The following NRP2 variants were observed in gnomAD, a reference collection of about 807,000 sequenced individuals.
The protein encoded by NRP2 is neuropilin 2, also known as neuropilin-2.
In NRP2, 52 loss-of-function variants were observed where a neutral mutation model predicts 110.4. That is an observed-to-expected ratio of 0.47 (90% CI 0.38 to 0.59). NRP2 has a LOEUF of 0.59. Ranked by LOEUF, NRP2 falls within the 20% of genes least tolerant of loss-of-function variation. The pLI is 0.00. For missense variants in NRP2, 1,049 were observed against 1,203.0 expected (o/e 0.87, Z 1.89); for synonymous variants, 508 against 468.9 (o/e 1.08, Z -1.08).
intron 15 of NRP2, among the ~76,000 whole-genome samples, chr2:205,789,351 T>C (rs1230880838): frequency 5.9e-5 from 9 of 152,200 alleles, no homozygotes; most frequent in Non-Finnish European, 1.3e-4. Context: ...GCGGAACTCG[T>C]GTGGGTGGTA....
intron 10 of NRP2, among the ~76,000 whole-genome samples, chr2:205,748,041 T>C (rs1323502552): frequency 6.6e-6 from 1 of 151,940 alleles, no homozygotes; most frequent in African/African-American, 2.4e-5. Context: ...AGTACAAACA[T>C]AGTACAAACA....
At chr2:205,749,988 G>A in intron 11 of NRP2, 147 bp downstream of exon 11, 1 of 700,280 alleles carries the variant, frequency 1.4e-6, no homozygotes, top group Non-Finnish European at 2.6e-6. Flanking sequence ...GCACTTAGGG[G>A]TTTGGGGCAG....
At chr2:205,733,414 G>C (rs549835538) in intron 7 of NRP2, among the ~76,000 whole-genome samples, 89 of 152,290 alleles carry the variant, frequency 5.8e-4, no homozygotes, top group African/African-American at 2.0e-3. Context: ...GTGGAATCAT[G>C]TTCCTTGCCC....
intron 7 of NRP2, among the ~76,000 whole-genome samples, chr2:205,728,443 G>A (rs1247317933): frequency 6.6e-6 from 1 of 152,184 alleles, no homozygotes; most frequent in Non-Finnish European, 1.5e-5. Context: ...GAGTTACCGA[G>A]CTCTGGAAAT....
intron 1 of NRP2, among the ~76,000 whole-genome samples, chr2:205,696,020 C>T (rs937798564): frequency 1.3e-5 from 2 of 152,128 alleles, no homozygotes; most frequent in African/African-American, 4.8e-5. Flanking sequence ...GAAACGGCTG[C>T]TTTTGTTTTC....
chr2:205,734,398 C>A (rs1298673565), intron 7 of NRP2, among the ~76,000 whole-genome samples: 1 of 121,298 alleles, frequency 8.2e-6, no homozygotes, highest in Non-Finnish European at 1.8e-5. Flanking sequence ...CATTTCCCAC[C>A]GCCCCCCCCC....
chr2:205,770,605 C>T (rs1232590300), intron 15 of NRP2, among the ~76,000 whole-genome samples: 1 of 152,176 alleles, frequency 6.6e-6, no homozygotes, highest in Non-Finnish European at 1.5e-5. Context: ...TCCCTGGACT[C>T]CCTTCCTCCC....
intron 7 of NRP2, among the ~76,000 whole-genome samples, chr2:205,738,821 T>C (rs1027229514): frequency 2.0e-5 from 3 of 152,148 alleles, no homozygotes; most frequent in Non-Finnish European, 2.9e-5. Flanking sequence ...CCAGATTTGG[T>C]GGACTTCGCA....
intron 2 of NRP2, among the ~76,000 whole-genome samples, chr2:205,710,487 G>T (rs1575569462): frequency 6.6e-6 from 1 of 152,336 alleles, no homozygotes; most frequent in East Asian, 1.9e-4. Flanking sequence ...AGATATACCA[G>T]CTTTTTAGTA....
At position 205,683,325 on chromosome 2, in the gene NRP2, C is replaced by G. The variant is rs369619248; in HGVS notation, c.35C>G (p.Ala12Gly). ...DMFPLTWVFL[A>G]LYFSRHQVRG... ...TTTCCTCTCACCTGGGTTTTCTTAG[C>G]CCTCTACTTTTCAAGACACCAAGTG... The change falls in exon 1 of 17, where the codon GCC (alanine) becomes GGC (glycine). Residue 12 changes from alanine to glycine, a missense_variant. Coordinates refer to ENST00000357785, the MANE Select transcript of NRP2 (RefSeq NM_003872.3). 1 of 1,613,980 alleles carries G rather than the reference C, an allele frequency of 6.2e-7. No individual in the cohort carries two copies. Among genetic ancestry groups the G allele is most frequent in the Non-Finnish European group, 8.5e-7 (1 of 1,179,860 alleles).
intron 1 of NRP2, chr2:205,685,724 C>T (rs1559300980): frequency 6.6e-6 from 1 of 152,468 alleles, no homozygotes; most frequent in East Asian, 1.9e-4. Flanking sequence ...CTGCGCTCCG[C>T]TCTGCGCGGC....
chr2:205,776,815 G>A, intron 15 of NRP2: 5 of 1,324,950 alleles, frequency 3.8e-6, no homozygotes, highest in Non-Finnish European at 4.9e-6. Context: ...ACAACTCAAG[G>A]CTCAGCTGGT....
chr2:205,777,616 G>A (rs1014423280), intron 15 of NRP2: 2 of 152,164 alleles, frequency 1.3e-5, no homozygotes, highest in African/African-American at 4.8e-5. Context: ...AACTTGGGAT[G>A]GGGTTGAGTA....
intron 7 of NRP2, among the ~76,000 whole-genome samples, chr2:205,728,545 G>A (rs2057174717): frequency 1.3e-5 from 2 of 152,238 alleles, no homozygotes; most frequent in South Asian, 4.1e-4. Flanking sequence ...GTTGGGGATG[G>A]GCTCTGAACT....
chr2:205,748,062 C>T (rs190208582), intron 10 of NRP2, among the ~76,000 whole-genome samples: 32 of 152,004 alleles, frequency 2.1e-4, no homozygotes, highest in African/African-American at 6.8e-4. Context: ...GTATAAACAC[C>T]GAGGCCTCGG....
intron 2 of NRP2, among the ~76,000 whole-genome samples, chr2:205,713,673 A>G (rs963611219): frequency 6.6e-6 from 1 of 152,196 alleles, no homozygotes; most frequent in African/African-American, 2.4e-5. Context: ...AAAAACAAAA[A>G]ATTCTAGACC....
chr2:205,764,049 C>A, intron 13 of NRP2, 113 bp downstream of exon 13: 1 of 1,349,404 alleles, frequency 7.4e-7, no homozygotes, highest in Non-Finnish European at 1.0e-6. Flanking sequence ...GTGTTTCTCA[C>A]GTTGCCATGG....
chr2:205,764,364 G>C (rs1285499907), intron 13 of NRP2: 1 of 194,908 alleles, frequency 5.1e-6, no homozygotes. Context: ...AAGGGGAGCG[G>C]GGGCTGTTGG....
intron 12 of NRP2, chr2:205,761,351 A>G (rs2057818505): frequency 1.3e-5 from 2 of 152,228 alleles, no homozygotes; most frequent in East Asian, 3.9e-4. Flanking sequence ...TAAGACCAGC[A>G]TTTACAATAT....
Sources: gnomAD v4.1 joint callset for allele counts (sites outside exome capture counted in the v4.1 genomes callset) on GRCh38, gnomAD v4.1.1 for gene constraint, MANE v1.5 for transcripts, NCBI Gene and HGNC (gene_info 2026-07-23, HGNC 2026-07-21) for gene names.